APAF1: variants seen among roughly 807,000 people sequenced by gnomAD.
APAF1 encodes apoptotic peptidase activating factor 1, also known as apoptotic protease-activating factor 1.
A neutral mutation model predicts 152.4 loss-of-function variants in APAF1; 91 were observed. The ratio of observed to expected loss-of-function variants is 0.60; its 90% CI spans 0.50 to 0.71. The LOEUF (loss-of-function observed/expected upper bound fraction) is 0.71. Ranked by LOEUF, APAF1 falls within the 30% of genes least tolerant of loss-of-function variation. APAF1 has a pLI of 0.00. For synonymous variants in APAF1, 484 were observed against 494.1 expected, an observed-to-expected ratio of 0.98 and a Z score of 0.27; for missense variants, 1,283 against 1,472.0, an observed-to-expected ratio of 0.87 and a Z score of 2.10.
At chr12:98,695,359 C>CT (rs2097708683) in intron 16 of APAF1, among the ~76,000 whole-genome samples, 1 of 149,744 alleles carries the variant, frequency 6.7e-6, no homozygotes, top group African/African-American at 2.5e-5. Context: ...TGCCGCCCCC[C>CT]CCCTTTTTTT....
At chr12:98,713,843 A>C (rs924278939) in intron 21 of APAF1, among the ~76,000 whole-genome samples, 1 of 152,256 alleles carries the variant, frequency 6.6e-6, no homozygotes, top group African/African-American at 2.4e-5. Flanking sequence ...AGAAGAGACT[A>C]TATGCTTAGA....
In APAF1 at chr12:98,727,210, G is replaced by T; in HGVS notation, c.3494G>T (p.Cys1165Phe). The T allele has an allele frequency of 6.2e-7, 1 of 1,614,084 alleles. No individual in the cohort carries two copies. The highest frequency in any genetic ancestry group is 1.7e-5 in the Admixed American group (1 of 60,012). ...NVSNGELLHLCAPLSEEGAAT... is the reference protein window; with the variant it reads ...NVSNGELLHLFAPLSEEGAAT... ...TCAAACGGTGAGCTTCTTCATTTGT[G>T]TGCTCCGCTTTCAGAAGAAGGAGCT... The change falls in exon 26 of 27, where the codon TGT becomes TTT. Residue 1165 changes from cysteine (C) to phenylalanine (F), a missense_variant. By Grantham distance (205) the Cys-to-Phe change is radical (BLOSUM62 -2). Coordinates refer to ENST00000551964, the MANE Select transcript of APAF1 (RefSeq NM_181861.2).
At chr12:98,678,938 A>G (rs1038829165) in intron 13 of APAF1, among the ~76,000 whole-genome samples, 2 of 152,138 alleles carry the variant, frequency 1.3e-5, no homozygotes, top group Admixed American at 1.3e-4. Context: ...TCCCCTTGGC[A>G]CCTACAGCCT....
intron 9 of APAF1, among the ~76,000 whole-genome samples, chr12:98,667,300 A>C (rs1016250175): frequency 4.6e-5 from 7 of 151,694 alleles, no homozygotes; most frequent in African/African-American, 1.7e-4. Flanking sequence ...AAAATTAAAT[A>C]TACGGATATC....
chr12:98,679,717 C>T (rs555321120), intron 13 of APAF1, among the ~76,000 whole-genome samples: 103 of 152,376 alleles, frequency 6.8e-4, no homozygotes, highest in South Asian at 1.7e-3. Flanking sequence ...CCGTGTTCCC[C>T]GGTGCCAGCG....
intron 16 of APAF1, 42 bp downstream of exon 16, chr12:98,686,915 A>G: frequency 1.9e-6 from 3 of 1,591,796 alleles, no homozygotes; most frequent in Non-Finnish European, 2.6e-6. Flanking sequence ...TATTTTATGG[A>G]AAGTCTTATG....
At chr12:98,715,257 TA>T (rs2097733132) in intron 21 of APAF1, among the ~76,000 whole-genome samples, 169 bp from the exon 22 acceptor site, 2 of 123,302 alleles carry the variant, frequency 1.6e-5, no homozygotes, top group South Asian at 2.7e-4. Context: ...TATATATATA[TA>T]TATATATATA....
At chr12:98,664,173 C>T (rs1262124699) in intron 7 of APAF1, among the ~76,000 whole-genome samples, 1 of 151,980 alleles carries the variant, frequency 6.6e-6, no homozygotes, top group East Asian at 1.9e-4. Flanking sequence ...TGCGTGCTAC[C>T]TCACCCAGCT....
chr12:98,700,317 T>C (rs1386209210), intron 17 of APAF1, among the ~76,000 whole-genome samples: 1 of 152,220 alleles, frequency 6.6e-6, no homozygotes, highest in Non-Finnish European at 1.5e-5. Context: ...TATGGCTCAC[T>C]TACATTCTCA....
At position 98,667,621 on chromosome 12, in the gene APAF1, A is replaced by G. The variant is rs758901927; in HGVS notation, c.1471A>G (p.Met491Val). Reference protein sequence around the residue: ...MYWYNFLAYHMASAKMHKELC... With the variant: ...MYWYNFLAYHVASAKMHKELC... ...TTGGTACAACTTTCTGGCCTATCAC[A>G]TGGCCAGTGCCAAGATGCACAAGGT... Residue 491 changes from methionine to valine, a missense_variant, in exon 10 of 27, where the codon ATG (methionine) becomes GTG (valine). By Grantham distance (21) the Met-to-Val change is conservative. Transcript: ENST00000551964. The G allele has an allele frequency of 2.5e-6, 4 of 1,613,876 alleles. No individual in the cohort carries two copies. In the South Asian group the frequency reaches 3.3e-5, roughly 13 times the overall value.
chr12:98,647,925 T>G (rs1042848685), intron 1 of APAF1, among the ~76,000 whole-genome samples: 4 of 152,138 alleles, frequency 2.6e-5, no homozygotes, highest in African/African-American at 9.7e-5. Context: ...TACTCTAGCC[T>G]CCCAATGTGC....
intron 13 of APAF1, among the ~76,000 whole-genome samples, chr12:98,678,153 G>A (rs940208513): frequency 1.3e-5 from 2 of 152,206 alleles, no homozygotes; most frequent in African/African-American, 4.8e-5. Flanking sequence ...GTCTATATGT[G>A]TACTTTATTA....
chr12:98,721,659 G>A (rs1489901397), intron 22 of APAF1, among the ~76,000 whole-genome samples: 4 of 151,902 alleles, frequency 2.6e-5, no homozygotes, highest in Non-Finnish European at 5.9e-5. Flanking sequence ...CTTCCAGTTC[G>A]TCTTCTAAAG....
At chr12:98,725,359 C>G in intron 24 of APAF1, 56 bp from the exon 25 acceptor site, 1 of 1,608,770 alleles carries the variant, frequency 6.2e-7, no homozygotes, top group Non-Finnish European at 8.5e-7. Flanking sequence ...GCAATCAAGG[C>G]AGATGCTTAT....
intron 16 of APAF1, among the ~76,000 whole-genome samples, chr12:98,697,457 A>G (rs1004079076): frequency 3.3e-5 from 5 of 152,248 alleles, no homozygotes; most frequent in African/African-American, 1.2e-4. Flanking sequence ...AATGTGTTAA[A>G]GATGATAAAC....
Position 98,731,735 on chromosome 12 carries a change from A to G in APAF1, c.3601-685A>G, listed in dbSNP as rs557610457. Among the ~76,000 whole-genome samples, 10 of 152,238 alleles carry G rather than the reference A, an allele frequency of 6.6e-5. No homozygotes were observed. The East Asian group carries it at 1.9e-3, about 29-fold the overall frequency. On this transcript the variant is annotated intron_variant, in intron 26 of 26. Coordinates refer to ENST00000551964, the MANE Select transcript of APAF1 (RefSeq NM_181861.2). The stretch of plus-strand genomic sequence containing the variant: ...TTTACATGTATTGTCTCTTGCCCCC[A>G]TTTTAGCTGTGAGATTCATGGGTAA...
At chr12:98,706,330 TC>T (rs1229111955) in intron 18 of APAF1, among the ~76,000 whole-genome samples, 154 bp from the exon 19 acceptor site, 1 of 152,222 alleles carries the variant, frequency 6.6e-6, no homozygotes, top group Non-Finnish European at 1.5e-5. Context: ...CACTAAATAA[TC>T]TTCTGCATAA....
At chr12:98,671,170 G>A in intron 11 of APAF1, 84 bp downstream of exon 11, 1 of 890,714 alleles carries the variant, frequency 1.1e-6, no homozygotes. Flanking sequence ...TGATGGGAAT[G>A]AGCAGAATAG....
intron 8 of APAF1, 77 bp from the exon 9 acceptor site, chr12:98,666,113 G>T (rs1057060062): frequency 7.0e-5 from 94 of 1,349,212 alleles, no homozygotes; most frequent in Middle Eastern, 4.4e-4. Flanking sequence ...CCGTTTTTTT[G>T]TGTGTGTGAT....
Sources: allele counts gnomAD v4.1 joint callset (sites outside exome capture counted in the v4.1 genomes callset), GRCh38; gene constraint gnomAD v4.1.1; transcripts MANE v1.5; gene names NCBI Gene and HGNC (gene_info 2026-07-23, HGNC 2026-07-21).